DST: variants seen among roughly 807,000 people sequenced by gnomAD.
DST encodes the protein bullous pemphigoid antigen.
Under a neutral mutation model 875.2 loss-of-function variants are expected in DST, and 253 were observed. The ratio of observed to expected loss-of-function variants is 0.29; its 90% CI spans 0.26 to 0.32. DST has a LOEUF of 0.32. DST is among the 10% of genes least tolerant of loss of function. DST has a pLI of 1.00. For synonymous variants in DST, 3,124 were observed against 3,197.1 expected, an observed-to-expected ratio of 0.98 and a Z score of 0.77; for missense variants, 8,287 against 9,111.6, an observed-to-expected ratio of 0.91 and a Z score of 3.68.
intron 4 of DST, among the ~76,000 whole-genome samples, chr6:56,841,862 A>C (rs1353383947): frequency 6.6e-6 from 1 of 150,750 alleles, no homozygotes; most frequent in Non-Finnish European, 1.5e-5. Context: ...CACACACACA[A>C]ATGTCACAAA....
intron 33 of DST, 21 bp downstream of exon 33, chr6:56,627,978 G>A (rs777659617): frequency 8.1e-6 from 13 of 1,611,172 alleles, no homozygotes; most frequent in Non-Finnish European, 1.1e-5. Context: ...AACCTCAGTA[G>A]AGGGAATTAT....
At chr6:56,798,450 G>C (rs1280066206) in intron 4 of DST, among the ~76,000 whole-genome samples, 1 of 152,094 alleles carries the variant, frequency 6.6e-6, no homozygotes, top group Non-Finnish European at 1.5e-5. Flanking sequence ...GTTTACAGAA[G>C]GGTTTAATAA....
intron 72 of DST, among the ~76,000 whole-genome samples, chr6:56,513,717 C>A (rs2096530786): frequency 6.6e-6 from 1 of 152,136 alleles, no homozygotes; most frequent in Non-Finnish European, 1.5e-5. Flanking sequence ...CAAGAGAACA[C>A]CTACCAGCCA....
intron 4 of DST, among the ~76,000 whole-genome samples, chr6:56,797,283 C>T (rs1166702906): frequency 6.6e-6 from 1 of 152,178 alleles, no homozygotes; most frequent in African/African-American, 2.4e-5. Flanking sequence ...CCTGGCCTCT[C>T]TCCCTTTCCT....
chr6:56,546,889 G>C (rs1334468416), intron 61 of DST, among the ~76,000 whole-genome samples: 6 of 152,150 alleles, frequency 3.9e-5, no homozygotes, highest in Non-Finnish European at 8.8e-5. Context: ...CAGTTTGGCT[G>C]TTTTATTGGA....
At chr6:56,781,539 A>G (rs975711403) in intron 4 of DST, among the ~76,000 whole-genome samples, 2 of 152,158 alleles carry the variant, frequency 1.3e-5, no homozygotes, top group African/African-American at 4.8e-5. Flanking sequence ...TTATTGGTGT[A>G]CAAGAATGCT....
chr6:56,615,253 G>A lies in DST; in HGVS notation c.4930-769C>T, dbSNP rs73746924. On this transcript the variant is annotated intron_variant, in intron 36 of 103. Transcript: ENST00000680361. ...TCATCAAGTTTATCCCACATTCTAC[G>A]TAAAAAAAAAAACATTTTAGTGTGG... 373 of 1,002,154 alleles carry A rather than the reference G, an allele frequency of 3.7e-4. 1 individual carries two copies. The African/African-American group carries it at 5.7e-3, about 15-fold the overall frequency. The allele number at this position is 1,002,154 out of a possible 1,614,324, so 62.1% of individuals were successfully genotyped here.
At chr6:56,582,277 G>A (rs2098019772) in intron 49 of DST, among the ~76,000 whole-genome samples, 1 of 152,164 alleles carries the variant, frequency 6.6e-6, no homozygotes, top group South Asian at 2.1e-4. Flanking sequence ...AGAACCTGGT[G>A]GGAGATGATT....
intron 10 of DST, among the ~76,000 whole-genome samples, chr6:56,666,737 CTTT>C (rs111274857): frequency 1.3e-4 from 18 of 139,422 alleles, no homozygotes; most frequent in Admixed American, 2.9e-4. Flanking sequence ...AAAAACTACT[CTTT>C]TTTTTTTTTT....
chr6:56,738,999 G>T (rs1410783283), intron 4 of DST, among the ~76,000 whole-genome samples: 1 of 151,462 alleles, frequency 6.6e-6, no homozygotes, highest in Non-Finnish European at 1.5e-5. Flanking sequence ...CAAAAGCAAT[G>T]ATATTAATAA....
At chr6:56,913,098 T>C (rs1327418724) in intron 2 of DST, among the ~76,000 whole-genome samples, 1 of 152,192 alleles carries the variant, frequency 6.6e-6, no homozygotes, top group Non-Finnish European at 1.5e-5. Context: ...TCTTATTACA[T>C]AGCCAAACAG....
At chr6:56,816,163 A>G (rs915983321) in intron 4 of DST, among the ~76,000 whole-genome samples, 2 of 152,002 alleles carry the variant, frequency 1.3e-5, no homozygotes, top group Non-Finnish European at 2.9e-5. Flanking sequence ...TAATATCACA[A>G]TCTCTCCCCT....
intron 10 of DST, among the ~76,000 whole-genome samples, chr6:56,661,670 T>TCCGC (rs1197779318): frequency 6.6e-6 from 1 of 151,790 alleles, no homozygotes; most frequent in African/African-American, 2.4e-5. Context: ...CACTGCAACC[T>TCCGC]CCGCCTCCCA....
At chr6:56,640,673 G>C (rs1250962367) in intron 17 of DST, 68 bp from the exon 18 acceptor site, 1 of 1,217,206 alleles carries the variant, frequency 8.2e-7, no homozygotes, top group Non-Finnish European at 1.2e-6. Flanking sequence ...GAACTCTAAT[G>C]TTAATTATAG....
chr6:56,593,655 A>G lies in DST; in HGVS notation c.12726+8T>C. The G allele has an allele frequency of 6.8e-7, 1 of 1,480,696 alleles. No individual in the cohort carries two copies. Among genetic ancestry groups the G allele is most frequent in the Non-Finnish European group, 9.0e-7 (1 of 1,113,476 alleles). 91.7% of individuals were successfully genotyped at this position (1,480,696 alleles called of 1,614,324 possible). On this transcript the variant is annotated splice_region_variant and intron_variant, in intron 48 of 103. Transcript: ENST00000680361. ...GACTTTTCCCTTAAAAAATCAAAAT[A>G]ACATTACCTTAGAGTAGAGAGACCT...
intron 4 of DST, among the ~76,000 whole-genome samples, chr6:56,829,680 G>A (rs1341007895): frequency 1.3e-5 from 2 of 152,140 alleles, no homozygotes; most frequent in African/African-American, 4.8e-5. Flanking sequence ...GATCATATCA[G>A]TATGAAGTGA....
chr6:56,764,686 G>A (rs770676373), intron 4 of DST, among the ~76,000 whole-genome samples: 4 of 152,148 alleles, frequency 2.6e-5, no homozygotes, highest in South Asian at 2.1e-4. Flanking sequence ...GGCTGGGCAC[G>A]GTGGCTCATG....
Position 56,463,038 on chromosome 6 carries a change from T to A in DST, c.23070+8A>T. The A allele has an allele frequency of 6.4e-7, 1 of 1,573,156 alleles. No homozygotes were observed. Reference sequence around the variant, plus strand: ...ATGTTAAGACTGGACTCTGGGGCCTTACAATACCTCTGCAGATGGCACGGG... The same window carrying A: ...ATGTTAAGACTGGACTCTGGGGCCTAACAATACCTCTGCAGATGGCACGGG... On this transcript the variant is annotated splice_region_variant and intron_variant, in intron 102 of 103. Coordinates refer to ENST00000680361, the MANE Select transcript of DST (RefSeq NM_001374736.1).
chr6:56,492,126 G>A, intron 85 of DST, 101 bp downstream of exon 85: 1 of 1,046,050 alleles, frequency 9.6e-7, no homozygotes, highest in Non-Finnish European at 1.4e-6. Flanking sequence ...TGATTGTTAT[G>A]CCTAATACAG....
Sources: gnomAD v4.1 joint callset for allele counts (sites outside exome capture counted in the v4.1 genomes callset) on GRCh38, gnomAD v4.1.1 for gene constraint, MANE v1.5 for transcripts, NCBI Gene and HGNC (gene_info 2026-07-23, HGNC 2026-07-21) for gene names.